The following EPHA6 variants were observed in gnomAD, a reference collection of about 807,000 sequenced individuals.
EPHA6 encodes the protein ephrin type-A receptor 6.
EPHA6 carries 50 observed loss-of-function variants against 112.0 expected under a neutral mutation model. The ratio of observed to expected loss-of-function variants is 0.45; its 90% CI spans 0.36 to 0.56. The LOEUF (loss-of-function observed/expected upper bound fraction) is 0.56, where lower values mean the gene tolerates loss of function less well. EPHA6 is among the 20% of genes least tolerant of loss of function. The probability of loss-of-function intolerance (pLI) is 0.00; values close to 1 mark genes in which losing one functional copy is unlikely to be tolerated. For missense variants in EPHA6, 1,280 were observed against 1,417.4 expected, an observed-to-expected ratio of 0.90 and a Z score of 1.56; for synonymous variants, 529 against 490.7, an observed-to-expected ratio of 1.08 and a Z score of -1.03.
chr3:96,826,930 G>A (rs542051642), intron 1 of EPHA6, among the ~76,000 whole-genome samples: 2 of 152,204 alleles, frequency 1.3e-5, no homozygotes, highest in East Asian at 1.9e-4. Context: ...TTGATAATAG[G>A]TCAGTTGTAC....
intron 10 of EPHA6, among the ~76,000 whole-genome samples, chr3:97,488,201 T>G (rs1457165159): frequency 6.6e-6 from 1 of 152,222 alleles, no homozygotes; most frequent in Non-Finnish European, 1.5e-5. Flanking sequence ...TCATACATAT[T>G]CTTTCCCTTT....
intron 6 of EPHA6, among the ~76,000 whole-genome samples, chr3:97,447,027 C>T (rs1185407812): frequency 6.6e-6 from 1 of 151,328 alleles, no homozygotes; most frequent in Non-Finnish European, 1.5e-5. Flanking sequence ...AATTTTTTTC[C>T]TTGTACTTTA....
chr3:97,182,083 A>C (rs1206128978), intron 3 of EPHA6, among the ~76,000 whole-genome samples: 2 of 152,026 alleles, frequency 1.3e-5, no homozygotes, highest in Non-Finnish European at 2.9e-5. Flanking sequence ...AGATGAACAA[A>C]CTTGGTGCTT....
At chr3:97,451,175 T>A (rs1380371083) in intron 7 of EPHA6, among the ~76,000 whole-genome samples, 2 of 152,042 alleles carry the variant, frequency 1.3e-5, no homozygotes, top group Non-Finnish European at 2.9e-5. Flanking sequence ...GATATTTGCA[T>A]GTATCCAGAA....
At position 97,570,909 on chromosome 3, in the gene EPHA6, C is replaced by T. The variant is rs542561890; in HGVS notation, c.2387-21703C>T. On this transcript the variant is annotated intron_variant, in intron 11 of 17. Coordinates refer to ENST00000389672, the MANE Select transcript of EPHA6 (RefSeq NM_001080448.3). Reference sequence around the variant, plus strand: ...TCAGGCCTGACTTCAAGGAAATAATCCCCTTCCACCAGCACTGTAGAGTCT... The same window carrying T: ...TCAGGCCTGACTTCAAGGAAATAATTCCCTTCCACCAGCACTGTAGAGTCT... Among the ~76,000 whole-genome samples the T allele has an allele frequency of 3.2e-3, 491 of 152,202 alleles. 2 individuals are homozygous for T. Among genetic ancestry groups the T allele is most frequent in the African/African-American group, 0.011 (457 of 41,526 alleles).
intron 3 of EPHA6, among the ~76,000 whole-genome samples, chr3:97,028,794 T>A (rs1344027535): frequency 6.6e-6 from 1 of 151,990 alleles, no homozygotes; most frequent in Non-Finnish European, 1.5e-5. Flanking sequence ...AATAAAATAT[T>A]TATATTCTTA....
At chr3:97,081,581 T>C (rs1341817585) in intron 3 of EPHA6, among the ~76,000 whole-genome samples, 1 of 151,840 alleles carries the variant, frequency 6.6e-6, no homozygotes. Flanking sequence ...CTGGTGTAAG[T>C]ATACATTTTA....
intron 5 of EPHA6, 70 bp from the exon 6 acceptor site, chr3:97,405,078 GAA>G (rs933435464): frequency 1.3e-6 from 2 of 1,495,850 alleles, no homozygotes; most frequent in African/African-American, 1.4e-5. Flanking sequence ...CCTTGGAAGA[GAA>G]AATATTAAAG....
In EPHA6 at chr3:97,573,096, G is replaced by A. The variant is rs559429135; in HGVS notation, c.2387-19516G>A. Among the ~76,000 whole-genome samples, 3 of 152,298 alleles carry A rather than the reference G, an allele frequency of 2.0e-5. No individual in the cohort carries two copies. In the East Asian group the frequency reaches 5.8e-4, roughly 29 times the overall value. ...AAGCAAAAGGCAAGAAAACAGTCAA[G>A]TTTCTTAGTAAAGAATAATGCTAAA... On this transcript the variant is annotated intron_variant, in intron 11 of 17. Transcript: ENST00000389672.
At chr3:96,848,342 A>G (rs1273823670) in intron 1 of EPHA6, among the ~76,000 whole-genome samples, 4 of 152,086 alleles carry the variant, frequency 2.6e-5, no homozygotes, top group Non-Finnish European at 4.4e-5. Context: ...ATTAGTTACC[A>G]AATCAATTGT....
chr3:97,510,639 G>A (rs1156842845), intron 10 of EPHA6, among the ~76,000 whole-genome samples: 2 of 152,150 alleles, frequency 1.3e-5, no homozygotes, highest in Non-Finnish European at 2.9e-5. Context: ...CCTGGGAGGT[G>A]TATCCCAGTC....
At chr3:97,222,818 ATCTGC>A (rs2078245818) in intron 3 of EPHA6, among the ~76,000 whole-genome samples, 1 of 152,206 alleles carries the variant, frequency 6.6e-6, no homozygotes, top group Non-Finnish European at 1.5e-5. Flanking sequence ...CACCGGACAA[ATCTGC>A]TCTTGTGGTG....
intron 5 of EPHA6, among the ~76,000 whole-genome samples, chr3:97,340,700 T>A (rs1375074961): frequency 2.0e-5 from 3 of 152,190 alleles, no homozygotes. Flanking sequence ...TTAAGGCCTC[T>A]CTTTCCTGAC....
In EPHA6 at chr3:96,987,590, C is replaced by T. The variant is rs369749923; in HGVS notation, c.711C>T (p.Asn237=). ...DESHGIKFKP[N]QYTKIDTIAA... ...CCCACGGAATTAAATTCAAGCCAAACCAGTATACAAAGATCGACACAATTG... is the reference window on the plus strand; with the variant it reads ...CCCACGGAATTAAATTCAAGCCAAATCAGTATACAAAGATCGACACAATTG... Residue 237 remains asparagine, a synonymous_variant, in exon 3 of 18, where the codon AAC becomes AAT. Transcript: ENST00000389672. 44 of 1,613,782 alleles carry T rather than the reference C, an allele frequency of 2.7e-5. No homozygotes were observed. The highest frequency in any genetic ancestry group is 3.4e-5 in the Non-Finnish European group (40 of 1,179,852).
At chr3:97,131,517 T>C (rs1033960136) in intron 3 of EPHA6, among the ~76,000 whole-genome samples, 6 of 152,158 alleles carry the variant, frequency 3.9e-5, no homozygotes, top group African/African-American at 9.6e-5. Context: ...GTATGAGGTA[T>C]TGGAAAAATC....
At chr3:97,546,268 A>C (rs2092946959) in intron 11 of EPHA6, among the ~76,000 whole-genome samples, 1 of 152,212 alleles carries the variant, frequency 6.6e-6, no homozygotes, top group South Asian at 2.1e-4. Flanking sequence ...TGGTGGTGAC[A>C]AAATCTCTCA....
At chr3:97,643,598 T>G (rs2094029589) in intron 14 of EPHA6, among the ~76,000 whole-genome samples, 1 of 149,268 alleles carries the variant, frequency 6.7e-6, no homozygotes, top group Admixed American at 6.7e-5. Context: ...TGGAGGAAGA[T>G]CTACCAAGCA....
intron 3 of EPHA6, among the ~76,000 whole-genome samples, chr3:97,220,329 A>G (rs1183929031): frequency 1.3e-5 from 2 of 152,070 alleles, no homozygotes; most frequent in African/African-American, 2.4e-5. Context: ...CCTGTTACCC[A>G]TTTCCAAAGA....
At chr3:97,694,098 G>C (rs922834029) in intron 14 of EPHA6, among the ~76,000 whole-genome samples, 1 of 152,048 alleles carries the variant, frequency 6.6e-6, no homozygotes, top group African/African-American at 2.4e-5. Flanking sequence ...TTATTTTATA[G>C]CAAACACTTG....
Sources: allele counts gnomAD v4.1 joint callset (sites outside exome capture counted in the v4.1 genomes callset), GRCh38; gene constraint gnomAD v4.1.1; transcripts MANE v1.5; gene names NCBI Gene and HGNC (gene_info 2026-07-23, HGNC 2026-07-21).